Variants in ROR1 observed in about 807,000 individuals in gnomAD.
ROR1 encodes inactive tyrosine-protein kinase transmembrane receptor ROR1.
A neutral mutation model predicts 78.8 loss-of-function variants in ROR1; 19 were observed. That is an observed-to-expected ratio of 0.24 (90% CI 0.17 to 0.35). The LOEUF (loss-of-function observed/expected upper bound fraction) is 0.35. Ranked by LOEUF, ROR1 falls within the 10% of genes least tolerant of loss-of-function variation. The pLI is 1.00. For synonymous variants in ROR1, 386 were observed against 433.6 expected (o/e 0.89, Z 1.36); for missense variants, 917 against 1,177.8 (o/e 0.78, Z 3.24).
At chr1:63,787,649 C>T (rs1392953918) in intron 1 of ROR1, among the ~76,000 whole-genome samples, 1 of 152,062 alleles carries the variant, frequency 6.6e-6, no homozygotes, top group African/African-American at 2.4e-5. Context: ...GCCTCAGCCT[C>T]CTGAGTAGCT....
intron 1 of ROR1, among the ~76,000 whole-genome samples, chr1:63,790,138 A>T (rs1365254411): frequency 6.6e-6 from 1 of 152,092 alleles, no homozygotes; most frequent in East Asian, 1.9e-4. Context: ...ATAATTTGTC[A>T]TTGAATATTT....
chr1:64,150,419 C>A (rs1379552723), intron 7 of ROR1, among the ~76,000 whole-genome samples: 1 of 152,232 alleles, frequency 6.6e-6, no homozygotes, highest in African/African-American at 2.4e-5. Context: ...CAAACACCCA[C>A]CCTGGGCTCC....
intron 7 of ROR1, among the ~76,000 whole-genome samples, chr1:64,150,248 C>G (rs1649584012): frequency 6.6e-6 from 1 of 152,206 alleles, no homozygotes; most frequent in Non-Finnish European, 1.5e-5. Flanking sequence ...AAAGAGTATC[C>G]ATGATAAGAA....
chr1:64,056,044 G>A (rs1022167369), intron 4 of ROR1, among the ~76,000 whole-genome samples: 6 of 152,284 alleles, frequency 3.9e-5, no homozygotes, highest in Non-Finnish European at 8.8e-5. Flanking sequence ...AACAGTCCAT[G>A]CATGGCTATA....
intron 1 of ROR1, among the ~76,000 whole-genome samples, chr1:63,834,717 C>T (rs914355249): frequency 2.0e-5 from 3 of 152,172 alleles, no homozygotes; most frequent in African/African-American, 4.8e-5. Context: ...TGTGGTTAGT[C>T]TTTCCATGTG....
At chr1:63,846,097 T>C (rs1039027824) in intron 1 of ROR1, among the ~76,000 whole-genome samples, 3 of 151,164 alleles carry the variant, frequency 2.0e-5, no homozygotes, top group Non-Finnish European at 2.9e-5. Flanking sequence ...TTATATTTTT[T>C]ATTTGACAGA....
chr1:64,071,716 A>T lies in ROR1; in HGVS notation c.482+21000A>T, dbSNP rs940562571. Among the ~76,000 whole-genome samples the T allele has an allele frequency of 1.1e-4, 16 of 152,200 alleles. No homozygotes were observed. In the East Asian group the frequency reaches 2.9e-3, roughly 28 times the overall value. On this transcript the variant is annotated intron_variant, in intron 4 of 8. Transcript: ENST00000371079. ...GGCAACTGCGGGGAGAAGGATGTGG[A>T]TGTGTCTCTGATTTTCACAGCATGA... is the stretch of plus-strand genomic sequence containing the variant.
At chr1:63,968,891 C>T (rs2100494474) in intron 1 of ROR1, among the ~76,000 whole-genome samples, 1 of 152,310 alleles carries the variant, frequency 6.6e-6, no homozygotes, top group Middle Eastern at 3.4e-3. Context: ...GAAGGGAGTG[C>T]AGACCCAGGA....
intron 1 of ROR1, among the ~76,000 whole-genome samples, chr1:63,984,887 A>G (rs2100513465): frequency 6.6e-6 from 1 of 152,330 alleles, no homozygotes; most frequent in Non-Finnish European, 1.5e-5. Flanking sequence ...TTTCCAACTA[A>G]TCGAAGCATT....
chr1:64,055,820 C>T (rs185461375), intron 4 of ROR1, among the ~76,000 whole-genome samples: 2 of 152,268 alleles, frequency 1.3e-5, no homozygotes, highest in Admixed American at 6.5e-5. Flanking sequence ...TATTTTAGAA[C>T]ATTTTCATCA....
chr1:63,865,595 CA>C (rs1335709642), intron 1 of ROR1, among the ~76,000 whole-genome samples: 1 of 151,960 alleles, frequency 6.6e-6, no homozygotes, highest in Non-Finnish European at 1.5e-5. Flanking sequence ...ACATGTTGCT[CA>C]AAGGGTTATG....
At chr1:63,902,212 T>C (rs929240095) in intron 1 of ROR1, among the ~76,000 whole-genome samples, 3 of 152,192 alleles carry the variant, frequency 2.0e-5, no homozygotes, top group African/African-American at 7.2e-5. Flanking sequence ...AGAATTGTCA[T>C]ATGCAACATT....
intron 1 of ROR1, among the ~76,000 whole-genome samples, chr1:63,932,088 A>G (rs1215232883): frequency 6.6e-6 from 1 of 152,190 alleles, no homozygotes; most frequent in Non-Finnish European, 1.5e-5. Context: ...TAATATTTAT[A>G]AAGTACCTAG....
chr1:64,109,961 T>C (rs552344601), intron 4 of ROR1, among the ~76,000 whole-genome samples: 10 of 152,270 alleles, frequency 6.6e-5, no homozygotes, highest in Non-Finnish European at 1.3e-4. Context: ...GCTAACCCTG[T>C]CAATTTAGAC....
intron 4 of ROR1, among the ~76,000 whole-genome samples, chr1:64,064,069 CA>C (rs1646937997): frequency 6.6e-6 from 1 of 152,198 alleles, no homozygotes; most frequent in South Asian, 2.1e-4. Context: ...ATCAGGAAAG[CA>C]GAACAAATTC....
chr1:63,847,116 CAGTG>C (rs972073603), intron 1 of ROR1, among the ~76,000 whole-genome samples: 5 of 152,150 alleles, frequency 3.3e-5, no homozygotes, highest in African/African-American at 4.8e-5. Flanking sequence ...GTGAGGGAAA[CAGTG>C]AGGGGAAATC....
At chr1:63,929,846 A>G (rs1355098856) in intron 1 of ROR1, among the ~76,000 whole-genome samples, 1 of 152,170 alleles carries the variant, frequency 6.6e-6, no homozygotes, top group African/African-American at 2.4e-5. Context: ...TAGAGGCACA[A>G]GGAGGTTTTG....
Position 64,142,817 on chromosome 1 carries a change from C to T in ROR1, c.1174+167C>T, listed in dbSNP as rs540607739. 2.6e-5 allele frequency: 37 copies of T among 1,431,270 alleles called. No individual in the cohort carries two copies. In the East Asian group the frequency reaches 6.8e-4, roughly 26 times the overall value. The allele number at this position is 1,431,270 out of a possible 1,614,324, so 88.7% of individuals were successfully genotyped here. A position where few individuals can be genotyped will look rare whatever the true frequency, so the allele number is the denominator to read the frequency against. On this transcript the variant is annotated intron_variant, in intron 7 of 8. Coordinates refer to ENST00000371079, the MANE Select transcript of ROR1 (RefSeq NM_005012.4). ...CTTGCCGTTTCTACATAAAACACCT[C>T]GTAAGGTACCAAAACACGTTCTCAA...
At chr1:63,924,360 G>A (rs2100433985) in intron 1 of ROR1, among the ~76,000 whole-genome samples, 1 of 152,188 alleles carries the variant, frequency 6.6e-6, no homozygotes, top group African/African-American at 2.4e-5. Flanking sequence ...TTGATTGAAT[G>A]AATACATTTT....
Sources: gnomAD v4.1 joint callset for allele counts (sites outside exome capture counted in the v4.1 genomes callset) on GRCh38, gnomAD v4.1.1 for gene constraint, MANE v1.5 for transcripts, NCBI Gene and HGNC (gene_info 2026-07-23, HGNC 2026-07-21) for gene names.